The following FAM120C variants were observed in gnomAD, a reference collection of about 807,000 sequenced individuals.
FAM120C encodes family with sequence similarity 120 member C, also known as constitutive coactivator of PPAR-gamma-like protein 2.
A neutral mutation model predicts 71.2 loss-of-function variants in FAM120C; 14 were observed. The ratio of observed to expected loss-of-function variants is 0.20; its 90% CI spans 0.13 to 0.31. The LOEUF (loss-of-function observed/expected upper bound fraction) is 0.31, where lower values mean the gene tolerates loss of function less well. Ranked by LOEUF, FAM120C falls within the 10% of genes least tolerant of loss-of-function variation. The pLI is 1.00. For synonymous variants in FAM120C, 354 were observed against 353.2 expected (o/e 1.00, Z -0.03); for missense variants, 500 against 879.0 (o/e 0.57, Z 5.45).
In FAM120C at chrX:54,081,351, T is replaced by A; in HGVS notation, c.2949A>T (p.Gln983His). ...TTCCTGGCCCACCGACAGAAACCAC[T>A]TGCATGCCGAAGGATCCTCGGCCCC... The part of the protein sequence containing the change: ...SSRGRGSFGM[Q>H]VVSVGGPGKG... Residue 983 changes from glutamine to histidine, a missense_variant, in exon 14 of 16, where the codon CAA becomes CAT. Physicochemically the swap from Gln to His is conservative, Grantham distance 24 (BLOSUM62 0). Around this residue, in one of 11 missense-constraint regions of FAM120C, gnomAD observed 85 missense variants for 96.1 expected, o/e 0.88. Coordinates refer to ENST00000375180, the MANE Select transcript of FAM120C (RefSeq NM_017848.6). 8.3e-7 allele frequency: 1 copy of A among 1,209,625 alleles called. No homozygotes were observed. The highest frequency in any genetic ancestry group is 1.1e-6 in the Non-Finnish European group (1 of 894,756).
chrX:54,098,493 C>T (rs1254192610), intron 10 of FAM120C, among the ~76,000 whole-genome samples: 1 of 111,884 alleles, frequency 8.9e-6, no homozygotes, highest in Non-Finnish European at 1.9e-5. Flanking sequence ...ATCTCCCACC[C>T]GATCCCTTGT....
chrX:54,117,651 T>A (rs1206518208), intron 9 of FAM120C, among the ~76,000 whole-genome samples: 1 of 106,989 alleles, frequency 9.3e-6, no homozygotes, highest in Non-Finnish European at 1.9e-5. Flanking sequence ...TGAGCCAAGA[T>A]CAAGTCACCG....
chrX:54,094,681 G>A (rs1006847664), intron 10 of FAM120C, among the ~76,000 whole-genome samples: 17 of 108,253 alleles, frequency 1.6e-4, no homozygotes, highest in African/African-American at 5.4e-4. Flanking sequence ...GGCAGATCAC[G>A]AGGTCAGGAG....
rs183523195 is a variant in FAM120C, at chrX:54,106,318, C to T, written c.2312+10227G>A. Among the ~76,000 whole-genome samples the T allele has an allele frequency of 8.3e-4, 93 of 111,961 alleles. 1 individual carries two copies. The highest frequency in any genetic ancestry group is 2.9e-3 in the African/African-American group (89 of 30,876). On this transcript the variant is annotated intron_variant, in intron 10 of 15. Coordinates refer to ENST00000375180, the MANE Select transcript of FAM120C (RefSeq NM_017848.6). ...AAAACAAGCAAAGGGGAAAGAATTC[C>T]CTATTTAATAAATGGTGTTGGGAAA...
Position 54,144,966 on chromosome X carries a change from C to T in FAM120C, c.1158+6279G>A, listed in dbSNP as rs143411660. 4.8e-3 allele frequency among the ~76,000 whole-genome samples: 533 copies of T among 111,238 alleles called. 2 individuals are homozygous for T. Among genetic ancestry groups the T allele is most frequent in the African/African-American group, 0.016 (496 of 30,686 alleles). On this transcript the variant is annotated intron_variant, in intron 4 of 15. Transcript: ENST00000375180. ...CAGCATGGTACTGGTACCAAAACAACGATATAGACCAATGGAACAGAACAG... is the reference window on the plus strand; with the variant it reads ...CAGCATGGTACTGGTACCAAAACAATGATATAGACCAATGGAACAGAACAG...
intron 1 of FAM120C, 85 bp from the exon 2 acceptor site, chrX:54,159,701 T>A (rs1431715948): frequency 9.8e-7 from 1 of 1,021,323 alleles, no homozygotes. Context: ...CTAAATTTTA[T>A]AGTTTGGTGA....
chrX:54,094,083 CTTTTTTT>C (rs35721972), intron 10 of FAM120C, among the ~76,000 whole-genome samples: 3 of 61,443 alleles, frequency 4.9e-5, no homozygotes, highest in Non-Finnish European at 8.4e-5. Context: ...TCCACGACTC[CTTTTTTT>C]TTTTTTTTTT....
chrX:54,179,863 G>A (rs2067338250), intron 1 of FAM120C, among the ~76,000 whole-genome samples: 1 of 111,896 alleles, frequency 8.9e-6, no homozygotes, highest in African/African-American at 3.2e-5. Context: ...CATTCCCCAA[G>A]AGTGCTTCTA....
chrX:54,111,090 T>A (rs1557125657), intron 10 of FAM120C, among the ~76,000 whole-genome samples: 1 of 108,682 alleles, frequency 9.2e-6, no homozygotes, highest in Non-Finnish European at 1.9e-5. Flanking sequence ...GGCATGATGG[T>A]GTGTGCTGTA....
Position 54,183,059 on chromosome X carries a change from G to A in FAM120C, c.140C>T (p.Ala47Val). The change falls in exon 1 of 16, where the codon GCA (alanine) becomes GTA (valine). Residue 47 changes from alanine to valine, a missense_variant. Physicochemically the swap from Ala to Val is moderately conservative, Grantham distance 64 (BLOSUM62 0). Around this residue, in one of 11 missense-constraint regions of FAM120C, gnomAD observed 79 missense variants for 78.3 expected, o/e 1.01. Coordinates refer to ENST00000375180, the MANE Select transcript of FAM120C (RefSeq NM_017848.6). ...QHLHRQLPPT[A>V]ALAPGAPRAA... is the part of the protein sequence containing the mutation. ...GCGTGGAGCCCCGGGCGCTAGGGCT[G>A]CAGTCGGCGGCAGCTGGCGGTGCAA... is the stretch of plus-strand genomic sequence containing the variant. The A allele has an allele frequency of 8.6e-7, 1 of 1,157,147 alleles. No individual in the cohort carries two copies. Among genetic ancestry groups the A allele is most frequent in the Non-Finnish European group, 1.1e-6 (1 of 871,660 alleles).
At chrX:54,075,640 T>C (rs2066731054) in intron 15 of FAM120C, among the ~76,000 whole-genome samples, 1 of 106,566 alleles carries the variant, frequency 9.4e-6, no homozygotes, top group African/African-American at 3.4e-5. Context: ...CTACTAAAAA[T>C]ACAAAAAAAG....
At chrX:54,103,020 T>C (rs782758753) in intron 10 of FAM120C, among the ~76,000 whole-genome samples, 2 of 111,462 alleles carry the variant, frequency 1.8e-5, no homozygotes, top group African/African-American at 6.5e-5. Flanking sequence ...GCCCAGCCTG[T>C]ATTTACATAT....
chrX:54,150,756 TA>T (rs1257828454), intron 4 of FAM120C, among the ~76,000 whole-genome samples: 3 of 112,035 alleles, frequency 2.7e-5, no homozygotes, highest in African/African-American at 9.7e-5. Context: ...TTTACCGATT[TA>T]TTTTTTTTTA....
chrX:54,163,388 A>G (rs914002102), intron 1 of FAM120C, among the ~76,000 whole-genome samples: 3 of 112,499 alleles, frequency 2.7e-5, no homozygotes, highest in Admixed American at 1.9e-4. Context: ...AACTTTGAAA[A>G]CAGAATGCTA....
At chrX:54,083,987 T>C (rs1557121659) in intron 13 of FAM120C, among the ~76,000 whole-genome samples, 1 of 111,267 alleles carries the variant, frequency 9.0e-6, no homozygotes, top group African/African-American at 3.3e-5. Flanking sequence ...CCCAACGTGC[T>C]GGATTACAGG....
In FAM120C at chrX:54,071,995, T is replaced by C. The variant is rs782479836; in HGVS notation, c.*1038A>G. 1.6e-4 allele frequency: 17 copies of C among 103,558 alleles called. No individual in the cohort carries two copies. The highest frequency in any genetic ancestry group is 2.6e-4 in the Non-Finnish European group (13 of 50,778). The allele number at this position is 103,558 out of a possible 1,213,427, so 8.5% of individuals were successfully genotyped here. Reference sequence around the variant, plus strand: ...GTGTATATATGTGTGTATATATATATACACACATATATACACACATACACA... The same window carrying C: ...GTGTATATATGTGTGTATATATATACACACACATATATACACACATACACA... On this transcript the variant is annotated 3_prime_UTR_variant, in exon 16 of 16. Coordinates refer to ENST00000375180, the MANE Select transcript of FAM120C (RefSeq NM_017848.6).
In FAM120C at chrX:54,073,189, C is replaced by T. The variant is rs1557120257; in HGVS notation, c.3135G>A (p.Lys1045=). The change falls in exon 16 of 16, where the codon AAG becomes AAA. Residue 1045 remains lysine (K), a synonymous_variant. Coordinates refer to ENST00000375180, the MANE Select transcript of FAM120C (RefSeq NM_017848.6). The part of the protein sequence containing the change: ...GNSGALIKEE[K]SDHRLPAPSQ... ...ATGGAGCTGGAAGACGATGATCACT[C>T]TTCTCTTCCTTGATCAATGCGCCAC... is the stretch of plus-strand genomic sequence containing the variant. 1.7e-6 allele frequency: 2 copies of T among 1,211,169 alleles called. No individual in the cohort carries two copies. The highest frequency in any genetic ancestry group is 4.4e-5 in the Admixed American group (2 of 45,939).
chrX:54,111,126 C>T (rs781932387), intron 10 of FAM120C, among the ~76,000 whole-genome samples: 3 of 110,046 alleles, frequency 2.7e-5, no homozygotes, highest in African/African-American at 9.9e-5. Flanking sequence ...GAGACTGAGG[C>T]GGGAGGATCA....
At chrX:54,105,763 A>T (rs1557124761) in intron 10 of FAM120C, among the ~76,000 whole-genome samples, 1 of 111,732 alleles carries the variant, frequency 8.9e-6, no homozygotes, top group Non-Finnish European at 1.9e-5. Context: ...CTATACACCA[A>T]TAACAGACAA....
Sources: allele counts gnomAD v4.1 joint callset (sites outside exome capture counted in the v4.1 genomes callset), GRCh38; gene constraint gnomAD v4.1.1; regional missense constraint gnomAD v4.1.1; transcripts MANE v1.5; gene names NCBI Gene and HGNC (gene_info 2026-07-23, HGNC 2026-07-21).